The following NR3C1 variants were observed in gnomAD, a reference collection of about 807,000 sequenced individuals.
NR3C1 encodes nuclear receptor subfamily 3 group C member 1, also known as glucocorticoid receptor.
Under a neutral mutation model 74.0 loss-of-function variants are expected in NR3C1, and 14 were observed. That is an observed-to-expected ratio of 0.19 (90% CI 0.12 to 0.30). The LOEUF (loss-of-function observed/expected upper bound fraction) is 0.30, where lower values mean the gene tolerates loss of function less well. NR3C1 is among the 10% of genes least tolerant of loss of function. NR3C1 has a pLI of 1.00. For synonymous variants in NR3C1, 308 were observed against 332.5 expected (o/e 0.93, Z 0.80); for missense variants, 695 against 909.8 (o/e 0.76, Z 3.04).
intron 2 of NR3C1, among the ~76,000 whole-genome samples, chr5:143,322,925 C>T (rs931615830): frequency 4.6e-5 from 7 of 152,222 alleles, no homozygotes; most frequent in African/African-American, 1.7e-4. Flanking sequence ...TCACTTCACA[C>T]TCAGGTCCCT....
In NR3C1 at chr5:143,334,146, C is replaced by G. The variant is rs566918630; in HGVS notation, c.1185-19978G>C. 2.6e-5 allele frequency among the ~76,000 whole-genome samples: 4 copies of G among 152,274 alleles called. No homozygotes were observed. In the East Asian group the frequency reaches 7.7e-4, roughly 29 times the overall value. On this transcript the variant is annotated intron_variant, in intron 2 of 8. Coordinates refer to ENST00000394464, the MANE Select transcript of NR3C1 (RefSeq NM_000176.3). Reference sequence around the variant, plus strand: ...CCTGTAATCCCAACACTTTGGGAGGCTGAGGCAGGCAGATCACCTGAGGTT... The same window carrying G: ...CCTGTAATCCCAACACTTTGGGAGGGTGAGGCAGGCAGATCACCTGAGGTT...
At chr5:143,324,365 G>A (rs1824082579) in intron 2 of NR3C1, among the ~76,000 whole-genome samples, 1 of 152,228 alleles carries the variant, frequency 6.6e-6, no homozygotes, top group African/African-American at 2.4e-5. Context: ...AAGCTGCCAA[G>A]GCTTGGGGCC....
At chr5:143,287,436 A>G (rs1814755679) in intron 7 of NR3C1, among the ~76,000 whole-genome samples, 1 of 152,162 alleles carries the variant, frequency 6.6e-6, no homozygotes, top group Non-Finnish European at 1.5e-5. Flanking sequence ...GGCTCATTTC[A>G]TAGAAACACA....
At chr5:143,398,987 C>T (rs1216587902) in intron 2 of NR3C1, among the ~76,000 whole-genome samples, 1 of 152,172 alleles carries the variant, frequency 6.6e-6, no homozygotes, top group Non-Finnish European at 1.5e-5. Flanking sequence ...CATGTTGACA[C>T]CAATTCCTCT....
At chr5:143,434,660 C>T in exon 1 of NR3C1, 1 of 985,360 alleles carries the variant, frequency 1.0e-6, no homozygotes, top group Non-Finnish European at 1.2e-6. Context: ...CATTTTGTTC[C>T]TCCCCATTCT....
chr5:143,403,659 G>C lies in NR3C1; in HGVS notation c.-462C>G. 2.0e-6 allele frequency: 2 copies of C among 985,362 alleles called. No homozygotes were observed. Among genetic ancestry groups the C allele is most frequent in the Non-Finnish European group, 2.4e-6 (2 of 829,848 alleles). The allele number at this position is 985,362 out of a possible 1,614,324, so 61.0% of individuals were successfully genotyped here. A position where few individuals can be genotyped will look rare whatever the true frequency, so the allele number is the denominator to read the frequency against. ...CAGCCCGGCCTGGGCGAGCGAGCGG[G>C]ACCGAGCGGGGAGCGGGTGGAGGCG... On this transcript the variant is annotated 5_prime_UTR_variant, in exon 1 of 9. Coordinates refer to ENST00000394464, the MANE Select transcript of NR3C1 (RefSeq NM_000176.3).
At chr5:143,381,121 ATC>A (rs1232936381) in intron 2 of NR3C1, among the ~76,000 whole-genome samples, 1 of 152,218 alleles carries the variant, frequency 6.6e-6, no homozygotes, top group Non-Finnish European at 1.5e-5. Context: ...ACATACAAAA[ATC>A]TGTGGCATTT....
chr5:143,331,554 T>C (rs1430685087), intron 2 of NR3C1, among the ~76,000 whole-genome samples: 1 of 152,106 alleles, frequency 6.6e-6, no homozygotes, highest in Non-Finnish European at 1.5e-5. Context: ...AACAGAAGAC[T>C]GCATAAAGAA....
In NR3C1 at chr5:143,283,048, T is replaced by C. The variant is rs142239891; in HGVS notation, c.2024-323A>G. Among the ~76,000 whole-genome samples the C allele has an allele frequency of 1.0e-3, 154 of 152,262 alleles. 3 individuals are homozygous for C. The East Asian group carries it at 0.022, about 22-fold the overall frequency. ...ACACAAGCCACTGTGTCTGGCTAAATTTTTTTGTAGAGACAGGATCTCCCT... is the reference window on the plus strand; with the variant it reads ...ACACAAGCCACTGTGTCTGGCTAAACTTTTTTGTAGAGACAGGATCTCCCT... On this transcript the variant is annotated intron_variant, in intron 7 of 8. Transcript: ENST00000394464.
At chr5:143,293,205 G>T (rs929328762) in intron 7 of NR3C1, among the ~76,000 whole-genome samples, 1 of 152,066 alleles carries the variant, frequency 6.6e-6, no homozygotes, top group African/African-American at 2.4e-5. Flanking sequence ...GCCACAAAAA[G>T]GAACAAAATA....
chr5:143,418,744 C>G (rs1751054519), intron 1 of NR3C1, among the ~76,000 whole-genome samples: 1 of 152,156 alleles, frequency 6.6e-6, no homozygotes, highest in African/African-American at 2.4e-5. Context: ...GGCAGGTAGA[C>G]ATAAGCTCCA....
chr5:143,343,469 G>A (rs1365390858), intron 2 of NR3C1, among the ~76,000 whole-genome samples: 1 of 152,124 alleles, frequency 6.6e-6, no homozygotes, highest in African/African-American at 2.4e-5. Context: ...ACCACTAATA[G>A]AAATTAACAC....
At chr5:143,343,858 TCAAATACAG>T (rs1298265870) in intron 2 of NR3C1, among the ~76,000 whole-genome samples, 10 of 152,216 alleles carry the variant, frequency 6.6e-5, no homozygotes, top group Admixed American at 5.2e-4. Context: ...CTATGCTCTT[TCAAATACAG>T]CAAATTATAG....
At chr5:143,408,492 G>A (rs1331636563), upstream of NR3C1, among the ~76,000 whole-genome samples, 2 of 151,074 alleles carry the variant, frequency 1.3e-5, no homozygotes, top group Admixed American at 1.3e-4. Context: ...CAGTATCCAT[G>A]ACCTGAAATG....
At chr5:143,366,533 C>T (rs1833234051) in intron 2 of NR3C1, among the ~76,000 whole-genome samples, 1 of 151,220 alleles carries the variant, frequency 6.6e-6, no homozygotes, top group African/African-American at 2.4e-5. Flanking sequence ...AAAGCTGTTC[C>T]CCTGAAAACG....
At chr5:143,333,528 G>A (rs1440855548) in intron 2 of NR3C1, among the ~76,000 whole-genome samples, 1 of 152,044 alleles carries the variant, frequency 6.6e-6, no homozygotes, top group Non-Finnish European at 1.5e-5. Flanking sequence ...CCAGCACTTT[G>A]GGAGGCCAAG....
rs575856430 is a variant in NR3C1, at chr5:143,311,791, T to G, written c.1352-1578A>C. Among the ~76,000 whole-genome samples, 38 of 148,264 alleles carry G rather than the reference T, an allele frequency of 2.6e-4. No homozygotes were observed. The East Asian group carries it at 6.5e-3, about 25-fold the overall frequency. On this transcript the variant is annotated intron_variant, in intron 3 of 8. Transcript: ENST00000394464. ...ACAGGTGCGATGCCTGGATAACGTT[T>G]TTTTTTTTTTTTTTTTTCCTGTAGA...
intron 2 of NR3C1, among the ~76,000 whole-genome samples, chr5:143,380,358 T>TACA (rs985132942): frequency 2.0e-5 from 3 of 152,222 alleles, no homozygotes; most frequent in African/African-American, 7.2e-5. Context: ...TAAAGTCCTT[T>TACA]ACACTGTGGG....
At chr5:143,332,798 T>A (rs1327684348) in intron 2 of NR3C1, 1 of 1,539,350 alleles carries the variant, frequency 6.5e-7, no homozygotes, top group East Asian at 2.2e-5. Context: ...ATGGCGTGAG[T>A]TTACGGGTGC....
Sources: allele counts gnomAD v4.1 joint callset (sites outside exome capture counted in the v4.1 genomes callset), GRCh38; gene constraint gnomAD v4.1.1; transcripts MANE v1.5; gene names NCBI Gene and HGNC (gene_info 2026-07-23, HGNC 2026-07-21).